Variants in HEPH observed in about 807,000 individuals in gnomAD.
HEPH encodes the protein hephaestin.
Under a neutral mutation model 80.8 loss-of-function variants are expected in HEPH, and 69 were observed. The ratio of observed to expected loss-of-function variants is 0.85; its 90% CI spans 0.70 to 1.04. The LOEUF (loss-of-function observed/expected upper bound fraction) is 1.04, where lower values mean the gene tolerates loss of function less well. HEPH is among the 50% of genes least tolerant of loss of function. HEPH has a pLI of 0.00. For missense variants in HEPH, 1,115 were observed against 891.3 expected, an observed-to-expected ratio of 1.25 and a Z score of -3.20; for synonymous variants, 431 against 322.8, an observed-to-expected ratio of 1.34 and a Z score of -3.60.
intron 15 of HEPH, among the ~76,000 whole-genome samples, chrX:66,208,702 T>C (rs2088950758): frequency 1.1e-5 from 1 of 92,802 alleles, no homozygotes; most frequent in African/African-American, 3.8e-5. Context: ...GAAATAGGAA[T>C]ATAGCCAAAA....
intron 15 of HEPH, among the ~76,000 whole-genome samples, chrX:66,213,155 G>A (rs1464052896): frequency 3.7e-5 from 4 of 109,329 alleles, no homozygotes; most frequent in Admixed American, 3.0e-4. Flanking sequence ...TCTAGCATTA[G>A]GTCTATCTCC....
At chrX:66,267,559 G>T (rs1044802308), downstream of HEPH, 1 of 111,553 alleles carries the variant, frequency 9.0e-6, no homozygotes, top group African/African-American at 3.3e-5. Context: ...ATCAAAGAGT[G>T]CTGGGTACCA....
At chrX:66,236,971 T>C (rs750641940) in intron 15 of HEPH, among the ~76,000 whole-genome samples, 28 of 111,660 alleles carry the variant, frequency 2.5e-4, no homozygotes, top group African/African-American at 9.1e-4. Flanking sequence ...TAATATCCCC[T>C]TTGTCATTTC....
rs1276320095 is a variant in HEPH, at chrX:66,206,708, A to C, written c.2292-487A>C. Among the ~76,000 whole-genome samples, 3 of 109,841 alleles carry C rather than the reference A, an allele frequency of 2.7e-5. No homozygotes were observed. The Admixed American group carries it at 2.9e-4, about 11-fold the overall frequency. Reference sequence around the variant, plus strand: ...TTGTGGTTATGCAGCCAATGTGGTGAGAAGTCTGACATTAGAAGAAATAGG... The same window carrying C: ...TTGTGGTTATGCAGCCAATGTGGTGCGAAGTCTGACATTAGAAGAAATAGG... On this transcript the variant is annotated intron_variant, in intron 13 of 20. Coordinates refer to ENST00000343002, the MANE Select transcript of HEPH (RefSeq NM_001367233.3).
intron 14 of HEPH, 130 bp downstream of exon 14, chrX:66,207,464 T>A: frequency 2.2e-6 from 1 of 453,746 alleles, no homozygotes; most frequent in Non-Finnish European, 3.4e-6. Context: ...AATTATGGAA[T>A]ATTTTATGAA....
rs1602191251 is a variant in HEPH, at chrX:66,170,633, T to C, written c.63T>C (p.Thr21=). ...TGCAGTCCTTGTGGCCTCAACTGACTGATGGAGCCACTCGAGTCTACTACC... is the reference window on the plus strand; with the variant it reads ...TGCAGTCCTTGTGGCCTCAACTGACCGATGGAGCCACTCGAGTCTACTACC... ...LFMQSLWPQL[T]DGATRVYYLG... Residue 21 remains threonine (T), a synonymous_variant, in exon 2 of 21, where the codon ACT becomes ACC. Transcript: ENST00000343002. 8.3e-7 allele frequency: 1 copy of C among 1,208,233 alleles called. No individual in the cohort carries two copies. Among genetic ancestry groups the C allele is most frequent in the African/African-American group, 1.8e-5 (1 of 57,092 alleles).
chrX:66,252,823 TCAA>T (rs752243363), intron 15 of HEPH, among the ~76,000 whole-genome samples: 1,456 of 112,187 alleles, frequency 0.013, 15 homozygotes, highest in Non-Finnish European at 0.021. Flanking sequence ...CAATTGATTT[TCAA>T]CAAAAGTGCC....
Position 66,197,814 on chromosome X carries a change from C to T in HEPH, c.1633C>T (p.Pro545Ser), listed in dbSNP as rs140905052. 275 of 1,209,522 alleles carry T rather than the reference C, an allele frequency of 2.3e-4. No individual in the cohort carries two copies. In the African/African-American group the frequency reaches 4.5e-3, roughly 20 times the overall value. The part of the protein sequence containing the change: ...LTWMYFSAAD[P>S]IRDTNSGLVG... Reference sequence around the variant, plus strand: ...TTGGATGTACTTCTCTGCTGCAGATCCCATAAGAGACACAAATTCTGGCCT... The same window carrying T: ...TTGGATGTACTTCTCTGCTGCAGATTCCATAAGAGACACAAATTCTGGCCT... Residue 545 changes from proline (P) to serine (S), a missense_variant, in exon 10 of 21, where the codon CCC becomes TCC. By Grantham distance (74) the Pro-to-Ser change is moderately conservative. Coordinates refer to ENST00000343002, the MANE Select transcript of HEPH (RefSeq NM_001367233.3).
intron 15 of HEPH, among the ~76,000 whole-genome samples, chrX:66,248,689 C>T (rs956728551): frequency 8.9e-6 from 1 of 112,118 alleles, no homozygotes; most frequent in Non-Finnish European, 1.9e-5. Context: ...TTCTGTAGCA[C>T]TTCAAACTAC....
chrX:66,235,614 G>A (rs1214564961), intron 15 of HEPH, among the ~76,000 whole-genome samples: 1 of 111,842 alleles, frequency 8.9e-6, no homozygotes, highest in Non-Finnish European at 1.9e-5. Flanking sequence ...TAGCTTGTTA[G>A]TATAGTTTGA....
intron 15 of HEPH, among the ~76,000 whole-genome samples, chrX:66,251,446 G>A (rs1462955405): frequency 3.6e-5 from 4 of 111,833 alleles, no homozygotes; most frequent in Non-Finnish European, 5.7e-5. Flanking sequence ...TTTTCCAAAT[G>A]GCTAATAATG....
intron 7 of HEPH, among the ~76,000 whole-genome samples, chrX:66,193,056 G>A (rs2087894246): frequency 9.0e-6 from 1 of 110,835 alleles, no homozygotes; most frequent in African/African-American, 3.3e-5. Flanking sequence ...TCTCAGCATG[G>A]ATTCTACGAT....
intron 20 of HEPH, among the ~76,000 whole-genome samples, chrX:66,264,793 T>C (rs2091479052): frequency 9.5e-6 from 1 of 105,604 alleles, no homozygotes; most frequent in African/African-American, 3.4e-5. Flanking sequence ...AACTAAATTA[T>C]TTTATATATA....
chrX:66,203,056 T>C (rs1320089403), intron 12 of HEPH, among the ~76,000 whole-genome samples: 1 of 108,227 alleles, frequency 9.2e-6, no homozygotes, highest in African/African-American at 3.4e-5. Context: ...GAGGGGTTTC[T>C]AGGAATATGG....
Position 66,258,988 on chromosome X carries a change from G to C in HEPH, c.3036+9G>C. ...AGAGCTTCCTCTATCGGGTGAGCTG[G>C]AAAATGGGCTGAGTCCCTCAAGGAT... On this transcript the variant is annotated intron_variant, in intron 18 of 20. Transcript: ENST00000343002. The C allele has an allele frequency of 8.4e-7, 1 of 1,193,696 alleles. No homozygotes were observed. Among genetic ancestry groups the C allele is most frequent in the Non-Finnish European group, 1.1e-6 (1 of 888,589 alleles).
At chrX:66,199,856 A>T (rs1312728231) in intron 11 of HEPH, among the ~76,000 whole-genome samples, 1 of 112,028 alleles carries the variant, frequency 8.9e-6, no homozygotes, top group Non-Finnish European at 1.9e-5. Flanking sequence ...GTGAAAAGTC[A>T]ACAGGTATTA....
intron 8 of HEPH, 50 bp from the exon 9 acceptor site, chrX:66,195,048 C>G (rs2088008531): frequency 9.8e-7 from 1 of 1,020,947 alleles, no homozygotes; most frequent in African/African-American, 1.9e-5. Context: ...TTCCTTCCTC[C>G]CTGTTTATCC....
In HEPH at chrX:66,197,754, G is replaced by A; in HGVS notation, c.1573G>A (p.Ala525Thr). Residue 525 changes from alanine to threonine, a missense_variant, in exon 10 of 21, where the codon GCC becomes ACC. Transcript: ENST00000343002. ...ATACCGCTGGACAGTCCCCCCTCAT[G>A]CCGGTCCCACTGCTCAGGATCCTGC... is the stretch of plus-strand genomic sequence containing the variant. ...VTYRWTVPPH[A>T]GPTAQDPACL... 1 of 1,211,435 alleles carries A rather than the reference G, an allele frequency of 8.3e-7. No homozygotes were observed. The highest frequency in any genetic ancestry group is 1.1e-6 in the Non-Finnish European group (1 of 895,259).
At chrX:66,227,259 G>T (rs768712265) in intron 15 of HEPH, among the ~76,000 whole-genome samples, 1 of 111,319 alleles carries the variant, frequency 9.0e-6, no homozygotes, top group African/African-American at 3.3e-5. Context: ...CATAGAAGGC[G>T]CATACCTTAA....
Sources: gnomAD v4.1 joint callset for allele counts (sites outside exome capture counted in the v4.1 genomes callset) on GRCh38, gnomAD v4.1.1 for gene constraint, MANE v1.5 for transcripts, NCBI Gene and HGNC (gene_info 2026-07-23, HGNC 2026-07-21) for gene names.